Variants in TTC6 observed in about 807,000 individuals in gnomAD.
The protein encoded by TTC6 is tetratricopeptide repeat protein 6.
A neutral mutation model predicts 210.4 loss-of-function variants in TTC6; 172 were observed. That is an observed-to-expected ratio of 0.82 (90% CI 0.72 to 0.93). TTC6 has a LOEUF of 0.93. TTC6 is among the 40% of genes least tolerant of loss of function. TTC6 has a pLI of 0.00. For synonymous variants in TTC6, 804 were observed against 819.6 expected (o/e 0.98, Z 0.32); for missense variants, 2,414 against 2,318.1 (o/e 1.04, Z -0.85).
intron 7 of TTC6, among the ~76,000 whole-genome samples, chr14:37,734,841 T>A (rs1204592987): frequency 1.3e-5 from 2 of 152,326 alleles, no homozygotes; most frequent in Non-Finnish European, 2.9e-5. Context: ...AACCATTGAT[T>A]GTTAATAAGT....
chr14:37,705,970 A>G (rs2095834724), intron 5 of TTC6, among the ~76,000 whole-genome samples: 1 of 152,148 alleles, frequency 6.6e-6, no homozygotes, highest in Non-Finnish European at 1.5e-5. Flanking sequence ...GGAAATTTGT[A>G]TACAGTTTGA....
At chr14:37,687,881 T>C (rs1299502122) in intron 3 of TTC6, among the ~76,000 whole-genome samples, 2 of 152,100 alleles carry the variant, frequency 1.3e-5, no homozygotes, top group African/African-American at 2.4e-5. Context: ...CTGTGGTGGC[T>C]ACAGGGTGAG....
chr14:37,735,936 A>C, exon 8 of TTC6: 2 of 1,532,348 alleles, frequency 1.3e-6, no homozygotes, highest in African/African-American at 1.4e-5. Flanking sequence ...TCAAGCAAGC[A>C]GACTTTTAAC....
chr14:37,789,888 G>A (rs2096075652), intron 15 of TTC6, among the ~76,000 whole-genome samples: 1 of 151,936 alleles, frequency 6.6e-6, no homozygotes, highest in African/African-American at 2.4e-5. Flanking sequence ...CAAACATTAT[G>A]CATATTTTGA....
chr14:37,679,361 A>T (rs752483438), intron 1 of TTC6, among the ~76,000 whole-genome samples: 3 of 152,120 alleles, frequency 2.0e-5, no homozygotes, highest in Non-Finnish European at 2.9e-5. Context: ...CTTTATTCCT[A>T]CATCATTGTT....
chr14:37,686,768 G>A (rs1167835434), intron 3 of TTC6, among the ~76,000 whole-genome samples: 2 of 152,168 alleles, frequency 1.3e-5, no homozygotes, highest in South Asian at 4.1e-4. Flanking sequence ...CATGAGAACA[G>A]TATGGAGGAA....
chr14:37,628,228 C>T (rs773050227), intron 1 of TTC6, among the ~76,000 whole-genome samples: 1 of 152,212 alleles, frequency 6.6e-6, no homozygotes, highest in Non-Finnish European at 1.5e-5. Context: ...CCACCTTGGT[C>T]TCCCAAAGTG....
intron 20 of TTC6, chr14:37,802,395 T>TA (rs1255033407): frequency 2.8e-4 from 42 of 150,510 alleles, no homozygotes; most frequent in African/African-American, 9.9e-4. Context: ...GTACTTAAAA[T>TA]AAAATAAAAA....
At chr14:37,625,369 G>A (rs1381998006) in intron 1 of TTC6, among the ~76,000 whole-genome samples, 1 of 151,606 alleles carries the variant, frequency 6.6e-6, no homozygotes, top group Non-Finnish European at 1.5e-5. Context: ...CCAACATGGT[G>A]AAACCCCATC....
At chr14:37,732,767 G>A (rs776311762) in intron 7 of TTC6, among the ~76,000 whole-genome samples, 48 of 140,420 alleles carry the variant, frequency 3.4e-4, no homozygotes, top group Admixed American at 6.7e-4. Context: ...ACAGGCGCCC[G>A]CCACCACGCC....
chr14:37,619,998 CAGTAAA>C (rs1293818917), upstream of TTC6, among the ~76,000 whole-genome samples: 1 of 152,092 alleles, frequency 6.6e-6, no homozygotes, highest in African/African-American at 2.4e-5. Context: ...CAATGTCCTT[CAGTAAA>C]ATTTTAAAAA....
intron 12 of TTC6, 92 bp from the exon 15 acceptor site, chr14:37,750,961 C>A: frequency 1.5e-6 from 1 of 687,384 alleles, no homozygotes; most frequent in Non-Finnish European, 2.2e-6. Context: ...ATTATTTTGA[C>A]TACATTTGTG....
At chr14:37,613,248 C>G (rs2095637416) in intron 2 of TTC6, among the ~76,000 whole-genome samples, 1 of 151,898 alleles carries the variant, frequency 6.6e-6, no homozygotes, top group African/African-American at 2.4e-5. Flanking sequence ...TTTTCATGTA[C>G]TCTGTTAATA....
At chr14:37,690,886 A>G (rs2095802361) in intron 3 of TTC6, among the ~76,000 whole-genome samples, 1 of 152,372 alleles carries the variant, frequency 6.6e-6, no homozygotes, top group Admixed American at 6.5e-5. Context: ...ATGGATGTTT[A>G]TAGAACATTT....
chr14:37,819,648 T>C (rs2096150885), intron 26 of TTC6, among the ~76,000 whole-genome samples: 1 of 152,366 alleles, frequency 6.6e-6, no homozygotes, highest in East Asian at 1.9e-4. Flanking sequence ...CTCAGAGTTA[T>C]ATATCCTATC....
intron 14 of TTC6, among the ~76,000 whole-genome samples, chr14:37,763,091 T>G (rs796493745): frequency 4.6e-5 from 7 of 151,876 alleles, no homozygotes; most frequent in African/African-American, 1.7e-4. Flanking sequence ...GGTTTCACCA[T>G]GTAAGCCAGG....
intron 1 of TTC6, among the ~76,000 whole-genome samples, chr14:37,663,243 C>T (rs768555770): frequency 1.8e-4 from 27 of 151,912 alleles, no homozygotes; most frequent in South Asian, 4.1e-4. Context: ...GAATTTTGTG[C>T]GTTGATTGTG....
intron 1 of TTC6, among the ~76,000 whole-genome samples, chr14:37,630,234 T>C (rs1049107549): frequency 6.6e-6 from 1 of 152,328 alleles, no homozygotes; most frequent in Non-Finnish European, 1.5e-5. Context: ...TAAATTTCCC[T>C]GTAAACACTG....
intron 6 of TTC6, among the ~76,000 whole-genome samples, chr14:37,718,047 C>A (rs2095855485): frequency 6.6e-6 from 1 of 152,190 alleles, no homozygotes; most frequent in Non-Finnish European, 1.5e-5. Flanking sequence ...TCTTTCCAGC[C>A]TCCAGAACTG....
Sources: allele counts gnomAD v4.1 joint callset (sites outside exome capture counted in the v4.1 genomes callset), GRCh38; gene constraint gnomAD v4.1.1; transcripts MANE v1.5; gene names NCBI Gene and HGNC (gene_info 2026-07-23, HGNC 2026-07-21).